Variants in MIOX observed in about 807,000 individuals in gnomAD.
MIOX encodes myo-inositol oxygenase.
MIOX carries 51 observed loss-of-function variants against 42.7 expected under a neutral mutation model. That is an observed-to-expected ratio of 1.19 (90% CI 0.95 to 1.51). MIOX has a LOEUF of 1.51. Ranked by LOEUF, MIOX falls within the 40% of genes most tolerant of loss-of-function variation. The pLI is 0.00. For missense variants in MIOX, 395 were observed against 381.3 expected (o/e 1.04, Z -0.30); for synonymous variants, 168 against 154.4 (o/e 1.09, Z -0.65).
chr22:50,489,524 GC>G lies in MIOX; in HGVS notation c.637-5del. On this transcript the variant is annotated splice_polypyrimidine_tract_variant and splice_region_variant and intron_variant, in intron 8 of 9. Coordinates refer to ENST00000216075, the MANE Select transcript of MIOX (RefSeq NM_017584.6). ...CCCAAGTGAGCCGCTGGGTGGCCTT[GC>G]CCGCAGGCTTTCTACATGATCCGGT... The G allele has an allele frequency of 6.2e-7, 1 of 1,612,472 alleles. No homozygotes were observed. The highest frequency in any genetic ancestry group is 8.5e-7 in the Non-Finnish European group (1 of 1,179,794).
chr22:50,488,416 G>C (rs1393213234), intron 5 of MIOX, 74 bp downstream of exon 5: 5 of 1,287,650 alleles, frequency 3.9e-6, no homozygotes, highest in Non-Finnish European at 5.4e-6. Flanking sequence ...TTGGTGCTTG[G>C]CCTGGGATAC....
Position 50,488,779 on chromosome 22 carries a change from ATCCCTCCCG to A in MIOX, c.409-253_409-245del, listed in dbSNP as rs1258961928. On this transcript the variant is annotated intron_variant, in intron 5 of 9. Transcript: ENST00000216075. ...CCCTCCTGTCCCTCCTGTCCCTCCC[ATCCCTCCCG>A]TCCCTCCTGTCCCTCCCGTCCCTCC... Among the ~76,000 whole-genome samples the A allele has an allele frequency of 2.4e-3, 41 of 17,090 alleles. 1 individual carries two copies. Among genetic ancestry groups the A allele is most frequent in the Admixed American group, 0.021 (25 of 1,204 alleles). The allele number at this position is 17,090 out of a possible 152,430, so 11.2% of individuals were successfully genotyped here.
Position 50,489,113 on chromosome 22 carries a change from T to C in MIOX, c.482T>C (p.Phe161Ser). The part of the protein sequence containing the change: ...QASVVFCDST[F>S]QDNPDLQDPR... ...TCCGTGGTTTTCTGCGACTCCACCT[T>C]CCAGGACAACCCTGACCTCCAGGAT... The change falls in exon 6 of 10, where the codon TTC becomes TCC. Residue 161 changes from phenylalanine (F) to serine (S), a missense_variant. Coordinates refer to ENST00000216075, the MANE Select transcript of MIOX (RefSeq NM_017584.6). 1 of 1,613,108 alleles carries C rather than the reference T, an allele frequency of 6.2e-7. No individual in the cohort carries two copies. The highest frequency in any genetic ancestry group is 8.5e-7 in the Non-Finnish European group (1 of 1,179,884).
rs182060071 is a variant in MIOX, at chr22:50,488,935, C to T, written c.409-105C>T. ...GTCATCGGTGACACCTTCCCCCACT[C>T]CCCCCATGGCCGCCCGTCCCTCCTG... On this transcript the variant is annotated intron_variant, in intron 5 of 9. Transcript: ENST00000216075. 3.1e-4 allele frequency: 237 copies of T among 767,668 alleles called. 2 individuals are homozygous for T. The African/African-American group carries it at 3.5e-3, about 11-fold the overall frequency. The allele number at this position is 767,668 out of a possible 1,614,324, so 47.6% of individuals were successfully genotyped here. A position where few individuals can be genotyped will look rare whatever the true frequency, so the allele number is the denominator to read the frequency against.
chr22:50,488,760 T>TGTCCCTCCTGTCCCTCCCATCCCTCCC (rs531520724), intron 5 of MIOX, among the ~76,000 whole-genome samples: 1 of 69,158 alleles, frequency 1.4e-5, no homozygotes, highest in Non-Finnish European at 2.4e-5. Flanking sequence ...CTGTCCCTCC[T>TGTCCCTCCTGTCCCTCCCATCCCTCCC]GTCCCTCCTG....
rs2148637497 is a variant in MIOX, at chr22:50,489,563, A to G, written c.668A>G (p.Tyr223Cys). Residue 223 changes from tyrosine to cysteine, a missense_variant, in exon 9 of 10, where the codon TAC becomes TGC. Physicochemically the swap from Tyr to Cys is radical, Grantham distance 194 (BLOSUM62 -2). Coordinates refer to ENST00000216075, the MANE Select transcript of MIOX (RefSeq NM_017584.6). Reference sequence around the variant, plus strand: ...TACATGATCCGGTTCCACTCCTTCTACCCCTGGCACACGGGCCGCGACTAC... The same window carrying G: ...TACATGATCCGGTTCCACTCCTTCTGCCCCTGGCACACGGGCCGCGACTAC... ...AFYMIRFHSF[Y>C]PWHTGRDYQQ... 4 of 1,612,012 alleles carry G rather than the reference A, an allele frequency of 2.5e-6. No individual in the cohort carries two copies. In the South Asian group the frequency reaches 3.3e-5, roughly 13 times the overall value.
chr22:50,490,156 C>T lies in MIOX; in HGVS notation c.*300C>T, dbSNP rs994631883. 6.8e-6 allele frequency: 3 copies of T among 439,720 alleles called. No individual in the cohort carries two copies. The highest frequency in any genetic ancestry group is 1.3e-5 in the Non-Finnish European group (3 of 237,412). The allele number at this position is 439,720 out of a possible 1,614,324, so 27.2% of individuals were successfully genotyped here. A position where few individuals can be genotyped will look rare whatever the true frequency, so the allele number is the denominator to read the frequency against. On this transcript the variant is annotated 3_prime_UTR_variant, in exon 10 of 10. Transcript: ENST00000216075. ...TTTCAGGTGTGTGTGTCCCACCACA[C>T]TGGCCGTGGTAAACATCTGCCCATC...
Position 50,487,428 on chromosome 22 carries a change from A to G in MIOX, c.59A>G (p.Glu20Gly), listed in dbSNP as rs2068283700. 6.2e-7 allele frequency: 1 copy of G among 1,613,774 alleles called. No homozygotes were observed. Among genetic ancestry groups the G allele is most frequent in the East Asian group, 2.2e-5 (1 of 44,894 alleles). ...SLVYRPDVDP[E>G]VAKDKASFRN... ...GTCTACCGACCTGATGTGGACCCAG[A>G]GGTGGCCAAAGACAAGGCCAGCTTC... The change falls in exon 2 of 10, where the codon GAG becomes GGG. Residue 20 changes from glutamate to glycine, a missense_variant. Transcript: ENST00000216075.
chr22:50,487,604 G>T (rs969106346), intron 2 of MIOX, 58 bp from the exon 3 acceptor site: 1 of 1,573,972 alleles, frequency 6.4e-7, no homozygotes, highest in Non-Finnish European at 8.7e-7. Flanking sequence ...TGGGAGAGGG[G>T]AGGCATGGGG....
In MIOX at chr22:50,489,352, G is replaced by A. The variant is rs1400754796; in HGVS notation, c.587-45G>A. The A allele has an allele frequency of 2.9e-5, 43 of 1,481,188 alleles. No homozygotes were observed. In the East Asian group the frequency reaches 5.9e-4, roughly 20 times the overall value. 91.8% of individuals were successfully genotyped at this position (1,481,188 alleles called of 1,614,324 possible). On this transcript the variant is annotated intron_variant, in intron 7 of 9. Transcript: ENST00000216075. Reference sequence around the variant, plus strand: ...GGGGCGGTGGGGGACGGTGGGGGGCGGTGGGGCAGAGGCAGTGCCTGCTGG... The same window carrying A: ...GGGGCGGTGGGGGACGGTGGGGGGCAGTGGGGCAGAGGCAGTGCCTGCTGG...
chr22:50,487,480 G>T lies in MIOX; in HGVS notation c.96+15G>T. ...GGAACTACACGGTGAGTACCTTGCC[G>T]TCCTGCCCCCCTTCTCCCCCATCCA... On this transcript the variant is annotated intron_variant, in intron 2 of 9. Coordinates refer to ENST00000216075, the MANE Select transcript of MIOX (RefSeq NM_017584.6). The T allele has an allele frequency of 6.2e-7, 1 of 1,608,956 alleles. No homozygotes were observed. The highest frequency in any genetic ancestry group is 8.5e-7 in the Non-Finnish European group (1 of 1,176,836).
intron 6 of MIOX, 29 bp downstream of exon 6, chr22:50,489,178 C>G: frequency 6.2e-7 from 1 of 1,612,440 alleles, no homozygotes; most frequent in Non-Finnish European, 8.5e-7. Context: ...GGCTGGGCCC[C>G]CTTCCCTGGG....
chr22:50,489,687 A>C, intron 9 of MIOX, 43 bp downstream of exon 9: 2 of 575,462 alleles, frequency 3.5e-6, no homozygotes, highest in Non-Finnish European at 5.2e-6. Flanking sequence ...GGAGTGAAAG[A>C]GGGGGTTGGG....
rs200375123 is a variant in MIOX, at chr22:50,489,260, G to A, written c.551G>A (p.Gly184Glu). The A allele has an allele frequency of 6.7e-5, 108 of 1,603,228 alleles. No homozygotes were observed. In the East Asian group the frequency reaches 2.3e-3, roughly 35 times the overall value. The change falls in exon 7 of 10, where the codon GGG becomes GAG. Residue 184 changes from glycine (G) to glutamate (E), a missense_variant. Gly to Glu is a moderately conservative substitution (Grantham distance 98). Coordinates refer to ENST00000216075, the MANE Select transcript of MIOX (RefSeq NM_017584.6). ...TELGMYQPHC[G>E]LDRVLMSWGH... ...CTCGGGATGTATCAGCCCCACTGTG[G>A]GCTCGACAGGGTCCTCATGTCCTGG...
intron 5 of MIOX, among the ~76,000 whole-genome samples, chr22:50,488,752 GT>G (rs1569516501): frequency 3.1e-4 from 21 of 67,616 alleles, no homozygotes; most frequent in African/African-American, 1.4e-3. Context: ...ATGGCTGCCT[GT>G]CCCTCCTGTC....
Position 50,490,136 on chromosome 22 carries a change from GGT to G in MIOX, c.*289_*290del, listed in dbSNP as rs2068343325. The G allele has an allele frequency of 4.0e-6, 2 of 494,166 alleles. No individual in the cohort carries two copies. The highest frequency in any genetic ancestry group is 3.3e-5 in the Admixed American group (1 of 30,300). The allele number at this position is 494,166 out of a possible 1,614,324, so 30.6% of individuals were successfully genotyped here. A position where few individuals can be genotyped will look rare whatever the true frequency, so the allele number is the denominator to read the frequency against. ...GTGGAGGCCAAGTCCCAGGCTTTCA[GGT>G]GTGTGTGTCCCACCACACTGGCCGT... is the stretch of plus-strand genomic sequence containing the variant. On this transcript the variant is annotated 3_prime_UTR_variant, in exon 10 of 10. Transcript: ENST00000216075.
intron 4 of MIOX, 32 bp downstream of exon 4, chr22:50,488,080 T>A: frequency 1.2e-6 from 2 of 1,611,902 alleles, no homozygotes; most frequent in Non-Finnish European, 1.7e-6. Flanking sequence ...GGGGGGCAGG[T>A]GCTGCCTCCA....
At chr22:50,487,260 T>C in intron 1 of MIOX, 125 bp from the exon 2 acceptor site, 1 of 801,226 alleles carries the variant, frequency 1.2e-6, no homozygotes. Flanking sequence ...GGCTGTGTCC[T>C]CGCGTGTCAC....
At position 50,489,810 on chromosome 22, in the gene MIOX, A is replaced by G. The variant is rs745761461; in HGVS notation, c.812A>G (p.Tyr271Cys). The stretch of plus-strand genomic sequence containing the variant: ...GACGTGGACAAGCTGCGGCCCTACT[A>G]CCAGGGGCTCATTGACAAGTACTGC... Reference protein sequence around the residue: ...LPDVDKLRPYYQGLIDKYCPG... With the variant: ...LPDVDKLRPYCQGLIDKYCPG... The change falls in exon 10 of 10, where the codon TAC becomes TGC. Residue 271 changes from tyrosine to cysteine, a missense_variant. Tyr to Cys is a radical substitution (Grantham distance 194). Coordinates refer to ENST00000216075, the MANE Select transcript of MIOX (RefSeq NM_017584.6). The G allele has an allele frequency of 6.2e-7, 1 of 1,611,696 alleles. No individual in the cohort carries two copies. The highest frequency in any genetic ancestry group is 8.5e-7 in the Non-Finnish European group (1 of 1,179,892).
Sources: gnomAD v4.1 joint callset for allele counts (sites outside exome capture counted in the v4.1 genomes callset) on GRCh38, gnomAD v4.1.1 for gene constraint, MANE v1.5 for transcripts, NCBI Gene and HGNC (gene_info 2026-07-23, HGNC 2026-07-21) for gene names.